The following RSPO2 variants were observed in gnomAD, a reference collection of about 807,000 sequenced individuals.
RSPO2 encodes the protein R-spondin 2, also known as R-spondin-2.
RSPO2 carries 14 observed loss-of-function variants against 30.9 expected under a neutral mutation model. That is an observed-to-expected ratio of 0.45 (90% CI 0.30 to 0.71). RSPO2 has a LOEUF of 0.71. Among genes scored for constraint, RSPO2 ranks in the 30% least tolerant of loss-of-function variants. The pLI, the probability that RSPO2 is intolerant of heterozygous loss-of-function variation, is 0.08. For synonymous variants in RSPO2, 107 were observed against 96.4 expected, an observed-to-expected ratio of 1.11 and a Z score of -0.64; for missense variants, 264 against 301.9, an observed-to-expected ratio of 0.87 and a Z score of 0.93.
intron 2 of RSPO2, among the ~76,000 whole-genome samples, chr8:108,064,195 A>C (rs546545877): frequency 5.9e-5 from 9 of 152,326 alleles, no homozygotes; most frequent in East Asian, 5.8e-4. Flanking sequence ...TAATTAAACT[A>C]AAGAGCTTCT....
At chr8:108,017,668 C>T (rs184115868) in intron 2 of RSPO2, among the ~76,000 whole-genome samples, 65 of 152,272 alleles carry the variant, frequency 4.3e-4, no homozygotes, top group African/African-American at 1.6e-3. Context: ...ACAGGTCTGA[C>T]AGAACCATCT....
chr8:107,963,376 T>C (rs960818832), intron 3 of RSPO2, among the ~76,000 whole-genome samples: 1 of 151,520 alleles, frequency 6.6e-6, no homozygotes, highest in Non-Finnish European at 1.5e-5. Context: ...TCTAAGAAAT[T>C]AGCTGGGCAT....
chr8:108,037,192 T>C (rs1447388681), intron 2 of RSPO2, among the ~76,000 whole-genome samples: 1 of 152,164 alleles, frequency 6.6e-6, no homozygotes. Flanking sequence ...AAGTTGTGAA[T>C]GCAAAGGAAA....
chr8:108,037,533 T>C (rs1028708709), intron 2 of RSPO2, among the ~76,000 whole-genome samples: 2 of 152,196 alleles, frequency 1.3e-5, no homozygotes, highest in Non-Finnish European at 2.9e-5. Context: ...GTCTAGAAGA[T>C]TTAATGAAGA....
chr8:107,912,485 CCTTAT>C (rs372989506), intron 5 of RSPO2, among the ~76,000 whole-genome samples: 412 of 152,046 alleles, frequency 2.7e-3, no homozygotes, highest in African/African-American at 9.5e-3. Flanking sequence ...GGGGTAGGGC[CCTTAT>C]CTTTATGTTC....
At chr8:108,016,069 G>A (rs1810881030) in intron 2 of RSPO2, among the ~76,000 whole-genome samples, 1 of 152,172 alleles carries the variant, frequency 6.6e-6, no homozygotes, top group African/African-American at 2.4e-5. Flanking sequence ...TGCTAGAGGA[G>A]TGCACGTCCT....
At chr8:108,031,761 A>T (rs1398721093) in intron 2 of RSPO2, among the ~76,000 whole-genome samples, 2 of 152,186 alleles carry the variant, frequency 1.3e-5, no homozygotes, top group Admixed American at 1.3e-4. Flanking sequence ...ATGACCTTGA[A>T]CAGGAGATGC....
chr8:107,901,621 C>T (rs1260758113), intron 5 of RSPO2, among the ~76,000 whole-genome samples: 3 of 152,264 alleles, frequency 2.0e-5, no homozygotes, highest in African/African-American at 7.2e-5. Flanking sequence ...ACTCCTCTCT[C>T]CCTTTCCCCA....
At chr8:108,011,271 G>A (rs950222031) in intron 2 of RSPO2, among the ~76,000 whole-genome samples, 2 of 151,952 alleles carry the variant, frequency 1.3e-5, no homozygotes, top group Admixed American at 6.6e-5. Flanking sequence ...AAGTGACTTG[G>A]TTGTGCCCAT....
chr8:108,064,484 C>T (rs575341062), intron 2 of RSPO2, among the ~76,000 whole-genome samples: 130 of 152,310 alleles, frequency 8.5e-4, no homozygotes, highest in Admixed American at 3.3e-3. Context: ...TACCATCTCA[C>T]ACCATTTAGA....
chr8:108,063,666 A>AT (rs1376482110), intron 2 of RSPO2, among the ~76,000 whole-genome samples: 1 of 151,902 alleles, frequency 6.6e-6, no homozygotes, highest in Non-Finnish European at 1.5e-5. Flanking sequence ...TCTTCACAGA[A>AT]TTGGAAAAAC....
intron 5 of RSPO2, among the ~76,000 whole-genome samples, chr8:107,954,800 G>A (rs1035378131): frequency 5.3e-5 from 8 of 151,870 alleles, no homozygotes; most frequent in South Asian, 2.1e-4. Context: ...TAGTAGAGGC[G>A]GGGTTTCACC....
chr8:108,071,400 A>G (rs928184267), intron 2 of RSPO2, among the ~76,000 whole-genome samples: 1 of 152,088 alleles, frequency 6.6e-6, no homozygotes, highest in African/African-American at 2.4e-5. Flanking sequence ...CAACAAACTA[A>G]CCTCAACCCA....
At chr8:107,917,810 T>C (rs895969528) in intron 5 of RSPO2, among the ~76,000 whole-genome samples, 10 of 152,320 alleles carry the variant, frequency 6.6e-5, no homozygotes, top group Admixed American at 2.0e-4. Context: ...TTAATAGTTA[T>C]AATTGTTATG....
At chr8:107,950,621 T>C (rs1188573236) in intron 5 of RSPO2, among the ~76,000 whole-genome samples, 2 of 152,130 alleles carry the variant, frequency 1.3e-5, no homozygotes, top group African/African-American at 4.8e-5. Flanking sequence ...ACTATTTTGC[T>C]CCTAGTTTCC....
chr8:108,021,478 T>C (rs1390166169), intron 2 of RSPO2, among the ~76,000 whole-genome samples: 2 of 152,152 alleles, frequency 1.3e-5, no homozygotes, highest in Non-Finnish European at 2.9e-5. Flanking sequence ...AAAGCATCAA[T>C]GTAAACTGAA....
chr8:108,035,396 A>T (rs1811558220), intron 2 of RSPO2, among the ~76,000 whole-genome samples: 1 of 152,202 alleles, frequency 6.6e-6, no homozygotes, highest in African/African-American at 2.4e-5. Context: ...CATCGGTAGC[A>T]CAAATTTATA....
chr8:107,956,206 T>TA (rs1356211565), intron 5 of RSPO2, among the ~76,000 whole-genome samples: 2 of 152,228 alleles, frequency 1.3e-5, no homozygotes, highest in Non-Finnish European at 2.9e-5. Flanking sequence ...CAATTATATT[T>TA]AGTTTCCTTT....
chr8:108,041,979 A>G lies in RSPO2; in HGVS notation c.94+40566T>C, dbSNP rs917028864. 3.2e-4 allele frequency among the ~76,000 whole-genome samples: 48 copies of G among 152,250 alleles called. No individual in the cohort carries two copies. In the Middle Eastern group the frequency reaches 0.02, roughly 65 times the overall value. On this transcript the variant is annotated intron_variant, in intron 2 of 5. Transcript: ENST00000276659. Reference sequence around the variant, plus strand: ...AGTGTTTAAAAAAATAGTAAAAATAATAAATAACCAGAATGAAATTCAAGG... The same window carrying G: ...AGTGTTTAAAAAAATAGTAAAAATAGTAAATAACCAGAATGAAATTCAAGG...
Sources: allele counts gnomAD v4.1 joint callset (sites outside exome capture counted in the v4.1 genomes callset), GRCh38; gene constraint gnomAD v4.1.1; transcripts MANE v1.5; gene names NCBI Gene and HGNC (gene_info 2026-07-23, HGNC 2026-07-21).